ADD2: variants seen among roughly 807,000 people sequenced by gnomAD.
ADD2 encodes beta-adducin.
ADD2 carries 23 observed loss-of-function variants against 83.0 expected under a neutral mutation model. The observed-to-expected ratio is 0.28, with a 90% CI of 0.20 to 0.39. The LOEUF (loss-of-function observed/expected upper bound fraction) is 0.39. Ranked by LOEUF, ADD2 falls within the 10% of genes least tolerant of loss-of-function variation. The probability of loss-of-function intolerance (pLI) is 1.00; values close to 1 mark genes in which losing one functional copy is unlikely to be tolerated. For missense variants in ADD2, 758 were observed against 944.9 expected (o/e 0.80, Z 2.59); for synonymous variants, 375 against 375.4 (o/e 1.00, Z 0.01).
At chr2:70,727,893 CAATA>C (rs60082478) in intron 1 of ADD2, among the ~76,000 whole-genome samples, 55,434 of 140,164 alleles carry the variant, frequency 0.4, 12,171 homozygotes, top group Middle Eastern at 0.6. Context: ...GAGACTCTGT[CAATA>C]AATAAATAAA....
intron 1 of ADD2, among the ~76,000 whole-genome samples, chr2:70,728,639 G>A (rs1011662448): frequency 3.3e-5 from 5 of 152,200 alleles, no homozygotes; most frequent in African/African-American, 7.2e-5. Flanking sequence ...GCCCTTTTGC[G>A]AGTTATTTTA....
chr2:70,733,530 C>T (rs1335909465), intron 1 of ADD2, among the ~76,000 whole-genome samples: 1 of 152,182 alleles, frequency 6.6e-6, no homozygotes, highest in Non-Finnish European at 1.5e-5. Context: ...TAATTTCCTC[C>T]CAGCAGCCAG....
intron 1 of ADD2, among the ~76,000 whole-genome samples, chr2:70,759,483 T>C (rs551812381): frequency 1.2e-4 from 18 of 152,028 alleles, no homozygotes; most frequent in African/African-American, 3.4e-4. Context: ...CCAAAGCCCA[T>C]GTTGAAGGAG....
intron 9 of ADD2, among the ~76,000 whole-genome samples, chr2:70,684,656 A>G (rs577086523): frequency 4.6e-5 from 7 of 152,382 alleles, no homozygotes; most frequent in Admixed American, 2.6e-4. Context: ...AAGGAAAAAT[A>G]CATTCTCCAC....
intron 2 of ADD2, among the ~76,000 whole-genome samples, chr2:70,710,040 C>G (rs915989381): frequency 2.0e-5 from 3 of 152,200 alleles, no homozygotes; most frequent in Non-Finnish European, 4.4e-5. Flanking sequence ...GAACCCCACT[C>G]CTTCTCTGTT....
intron 10 of ADD2, among the ~76,000 whole-genome samples, chr2:70,682,206 G>A (rs988288731): frequency 6.6e-6 from 1 of 152,130 alleles, no homozygotes; most frequent in Non-Finnish European, 1.5e-5. Flanking sequence ...AACGTTCAAA[G>A]AAAAATTGGT....
intron 1 of ADD2, among the ~76,000 whole-genome samples, chr2:70,747,799 C>G (rs1674304639): frequency 6.6e-6 from 1 of 152,136 alleles, no homozygotes; most frequent in South Asian, 2.1e-4. Flanking sequence ...TCAGATTGAC[C>G]TTTCTGAAAT....
At chr2:70,682,164 T>A (rs781870196) in intron 10 of ADD2, among the ~76,000 whole-genome samples, 2 of 152,274 alleles carry the variant, frequency 1.3e-5, no homozygotes, top group African/African-American at 4.8e-5. Context: ...GGCTTGATAC[T>A]ATTTGCTAGT....
rs1234389590 is a variant in ADD2, at chr2:70,657,357, G to C, written c.*6068C>G. On this transcript the variant is annotated 3_prime_UTR_variant, in exon 16 of 16. Coordinates refer to ENST00000264436, the MANE Select transcript of ADD2 (RefSeq NM_001617.4). Reference sequence around the variant, plus strand: ...TGCATTCTATCTAGACTGGGTTCCTGCTTGCCTGCACCCCAGCCAGGCGAT... The same window carrying C: ...TGCATTCTATCTAGACTGGGTTCCTCCTTGCCTGCACCCCAGCCAGGCGAT... The C allele has an allele frequency of 6.6e-6, 1 of 152,198 alleles. No individual in the cohort carries two copies. Among genetic ancestry groups the C allele is most frequent in the Non-Finnish European group, 1.5e-5 (1 of 68,036 alleles). 9.4% of individuals were successfully genotyped at this position (152,198 alleles called of 1,614,324 possible).
intron 12 of ADD2, among the ~76,000 whole-genome samples, chr2:70,677,295 C>T (rs995356922): frequency 2.0e-5 from 3 of 151,976 alleles, no homozygotes; most frequent in Admixed American, 1.3e-4. Context: ...TTTCAACAAG[C>T]GCTGTAGGGT....
intron 12 of ADD2, 118 bp from the exon 13 acceptor site, chr2:70,677,003 G>A (rs995386313): frequency 1.5e-5 from 22 of 1,457,500 alleles, no homozygotes; most frequent in South Asian, 4.3e-5. Flanking sequence ...GTGGGAGCCC[G>A]TCACCTATCC....
At chr2:70,680,260 T>C (rs1162659018) in intron 10 of ADD2, among the ~76,000 whole-genome samples, 5 of 152,200 alleles carry the variant, frequency 3.3e-5, no homozygotes, top group African/African-American at 9.6e-5. Flanking sequence ...GCCTTAGCTT[T>C]CCTTCCCAGA....
At position 70,692,479 on chromosome 2, in the gene ADD2, C is replaced by T; in HGVS notation, c.629G>A (p.Cys210Tyr). The T allele has an allele frequency of 1.2e-6, 2 of 1,613,162 alleles. No individual in the cohort carries two copies. Among genetic ancestry groups the T allele is most frequent in the Non-Finnish European group, 1.7e-6 (2 of 1,179,698 alleles). The change falls in exon 7 of 16, where the codon TGT becomes TAT. Residue 210 changes from cysteine (C) to tyrosine (Y), a missense_variant. This residue lies in a region of ADD2 where 394 missense variants were observed against 509.3 expected (regional missense o/e 0.77). Coordinates refer to ENST00000264436, the MANE Select transcript of ADD2 (RefSeq NM_001617.4). ...SCFPVDTTGF[C>Y]LHSAIYAARP... ...CGCTGCATAGATGGCCGAGTGCAGA[C>T]AGAAGCCTGTGGTGTCCACTGGGAA... is the stretch of plus-strand genomic sequence containing the variant.
chr2:70,677,570 G>A (rs1182707446), intron 12 of ADD2, among the ~76,000 whole-genome samples, 188 bp downstream of exon 12: 2 of 152,136 alleles, frequency 1.3e-5, no homozygotes, highest in African/African-American at 4.8e-5. Context: ...AAAGGGTTAC[G>A]GGACCACAGG....
At chr2:70,666,940 T>C (rs1278942376) in intron 15 of ADD2, among the ~76,000 whole-genome samples, 2 of 152,066 alleles carry the variant, frequency 1.3e-5, no homozygotes, top group Non-Finnish European at 2.9e-5. Flanking sequence ...CCCTCAACTA[T>C]AGAGTCAGAG....
rs781886764 is a variant in ADD2 at position 70,683,800 on chromosome 2, G to A, written c.949-33C>T. 6.3e-6 allele frequency: 10 copies of A among 1,592,466 alleles called. No homozygotes were observed. The East Asian group carries it at 1.6e-4, about 25-fold the overall frequency. On this transcript the variant is annotated intron_variant, in intron 9 of 15. Transcript: ENST00000264436. Reference sequence around the variant, plus strand: ...AAAGAGCAGAGAGCCCTCAGCCCATGTGCACATGGGTACCCTGCACTTATC... The same window carrying A: ...AAAGAGCAGAGAGCCCTCAGCCCATATGCACATGGGTACCCTGCACTTATC...
chr2:70,688,149 A>G (rs1553370873), intron 8 of ADD2, 27 bp from the exon 9 acceptor site: 2 of 1,585,322 alleles, frequency 1.3e-6, no homozygotes, highest in Non-Finnish European at 1.7e-6. Flanking sequence ...AGTCAATTAA[A>G]ACCTTAAGTC....
chr2:70,689,725 C>T (rs1471730907), intron 8 of ADD2, among the ~76,000 whole-genome samples: 4 of 152,204 alleles, frequency 2.6e-5, no homozygotes, highest in African/African-American at 9.7e-5. Flanking sequence ...CATCCATCAA[C>T]CAAGACTAGC....
intron 1 of ADD2, 158 bp downstream of exon 1, chr2:70,767,728 C>T: frequency 7.0e-7 from 1 of 1,431,378 alleles, no homozygotes; most frequent in Non-Finnish European, 9.1e-7. Flanking sequence ...GCGCAAAACA[C>T]ACCGCTGCCG....
Sources: allele counts gnomAD v4.1 joint callset (sites outside exome capture counted in the v4.1 genomes callset), GRCh38; gene constraint gnomAD v4.1.1; regional missense constraint gnomAD v4.1.1; transcripts MANE v1.5; gene names NCBI Gene and HGNC (gene_info 2026-07-23, HGNC 2026-07-21).